Variants in KIF26B observed in about 807,000 individuals in gnomAD.
The protein encoded by KIF26B is kinesin-like protein KIF26B.
KIF26B carries 63 observed loss-of-function variants against 151.2 expected under a neutral mutation model. The observed-to-expected ratio is 0.42, with a 90% confidence interval of 0.34 to 0.51. The LOEUF (loss-of-function observed/expected upper bound fraction) is 0.51, where lower values mean the gene tolerates loss of function less well. Among genes scored for constraint, KIF26B ranks in the 20% least tolerant of loss-of-function variants. KIF26B has a pLI of 0.07. For missense variants in KIF26B, 2,813 were observed against 2,913.6 expected (o/e 0.97, Z 0.79); for synonymous variants, 1,357 against 1,262.1 (o/e 1.08, Z -1.59).
intron 4 of KIF26B, among the ~76,000 whole-genome samples, chr1:245,461,839 C>T (rs1659654549): frequency 6.6e-6 from 1 of 152,162 alleles, no homozygotes; most frequent in Admixed American, 6.5e-5. Flanking sequence ...TTAGGCCGGG[C>T]ATGGTGACTC....
chr1:245,454,849 A>C (rs1659478015), intron 4 of KIF26B, among the ~76,000 whole-genome samples: 1 of 152,126 alleles, frequency 6.6e-6, no homozygotes, highest in Admixed American at 6.5e-5. Flanking sequence ...AATAACTCTC[A>C]GGCTGAGCTT....
chr1:245,266,296 T>C (rs1670743717), intron 2 of KIF26B, among the ~76,000 whole-genome samples: 1 of 152,144 alleles, frequency 6.6e-6, no homozygotes, highest in Non-Finnish European at 1.5e-5. Context: ...TAATATTAAG[T>C]GCTGACAAGG....
intron 4 of KIF26B, among the ~76,000 whole-genome samples, chr1:245,524,704 C>A (rs140079268): frequency 6.6e-6 from 1 of 152,260 alleles, no homozygotes; most frequent in Non-Finnish European, 1.5e-5. Flanking sequence ...CTTCATAATT[C>A]AGTCTAAGGC....
intron 3 of KIF26B, among the ~76,000 whole-genome samples, chr1:245,410,934 AT>A (rs35206012): frequency 0.51 from 77,109 of 151,880 alleles, 19,922 homozygotes; most frequent in South Asian, 0.66. Context: ...GAATTTGACT[AT>A]TTTAGGTACT....
At chr1:245,449,089 C>T (rs1168445243) in intron 4 of KIF26B, among the ~76,000 whole-genome samples, 3 of 152,150 alleles carry the variant, frequency 2.0e-5, no homozygotes, top group Non-Finnish European at 4.4e-5. Context: ...CCTGCGAGTT[C>T]AGAATAACAT....
intron 2 of KIF26B, among the ~76,000 whole-genome samples, chr1:245,221,699 T>C (rs987694535): frequency 6.6e-6 from 1 of 152,220 alleles, no homozygotes; most frequent in Non-Finnish European, 1.5e-5. Context: ...GGGCACACCG[T>C]GCCTGGCCTA....
intron 3 of KIF26B, among the ~76,000 whole-genome samples, chr1:245,381,170 C>T (rs1288907095): frequency 6.6e-6 from 1 of 152,120 alleles, no homozygotes; most frequent in African/African-American, 2.4e-5. Flanking sequence ...TAACATCTGT[C>T]CTTCAGAAAG....
intron 10 of KIF26B, among the ~76,000 whole-genome samples, chr1:245,675,530 T>G (rs1161162585): frequency 6.6e-6 from 1 of 152,158 alleles, no homozygotes; most frequent in Non-Finnish European, 1.5e-5. Flanking sequence ...CACATCTATC[T>G]TTGGGAAAGG....
At chr1:245,319,765 CTTT>C (rs1671848176) in intron 2 of KIF26B, among the ~76,000 whole-genome samples, 1 of 152,152 alleles carries the variant, frequency 6.6e-6, no homozygotes, top group African/African-American at 2.4e-5. Context: ...TCTCTGGTCT[CTTT>C]CTAAAATCAG....
chr1:245,177,043 C>T (rs1242724039), intron 2 of KIF26B, among the ~76,000 whole-genome samples: 2 of 152,222 alleles, frequency 1.3e-5, no homozygotes, highest in African/African-American at 4.8e-5. Context: ...GCAGCCTCAA[C>T]TCTCTGGCTC....
chr1:245,498,496 C>T (rs138262683), intron 4 of KIF26B, among the ~76,000 whole-genome samples: 124 of 152,126 alleles, frequency 8.2e-4, no homozygotes, highest in African/African-American at 2.6e-3. Flanking sequence ...AAGTGAGGGG[C>T]GGGAGAGAGC....
Position 245,687,420 on chromosome 1 carries a change from G to A in KIF26B, c.4437G>A (p.Glu1479=), listed in dbSNP as rs758714951. The change falls in exon 12 of 15, where the codon GAG becomes GAA. Residue 1479 remains glutamate, a synonymous_variant. Coordinates refer to ENST00000407071, the MANE Select transcript of KIF26B (RefSeq NM_018012.4). The surrounding 1 kb of genome is among the most constrained non-coding windows in gnomAD (Gnocchi z 4.9). ...ATGCTGAGACCAGAGCAGAGCAGGA[G>A]CAGGACGGAAAGCCCAGTCCGGGAG... The part of the protein sequence containing the change: ...PSNAETRAEQ[E]QDGKPSPGDR... The A allele has an allele frequency of 5.7e-6, 9 of 1,588,990 alleles. No individual in the cohort carries two copies. Among genetic ancestry groups the A allele is most frequent in the Non-Finnish European group, 7.7e-6 (9 of 1,168,014 alleles).
rs1668615622 is a variant in KIF26B, at chr1:245,166,450, A to C, written c.465+9767A>C. Among the ~76,000 whole-genome samples, 2 of 152,208 alleles carry C rather than the reference A, an allele frequency of 1.3e-5. No homozygotes were observed. The highest frequency in any genetic ancestry group is 4.1e-4 in the South Asian group (2 of 4,832). ...CACCACAGAAAGTTTAAGGGAGCTC[A>C]GTGGATGTAAATAGCGACTCCTTTG... On this transcript the variant is annotated intron_variant, in intron 2 of 14. Coordinates refer to ENST00000407071, the MANE Select transcript of KIF26B (RefSeq NM_018012.4). The surrounding 1 kb of genome is among the most constrained non-coding windows in gnomAD (Gnocchi z 4.5).
chr1:245,439,976 C>G (rs1339471092), intron 4 of KIF26B, among the ~76,000 whole-genome samples: 1 of 152,216 alleles, frequency 6.6e-6, no homozygotes, highest in African/African-American at 2.4e-5. Flanking sequence ...AATCCCAGCA[C>G]TTGGGGAGGC....
chr1:245,609,566 T>TCCCTCCCCACCTCA (rs770531207), intron 8 of KIF26B, 38 bp downstream of exon 8: 15 of 1,472,544 alleles, frequency 1.0e-5, no homozygotes, highest in Non-Finnish European at 1.3e-5. Context: ...CCAAGGTGGC[T>TCCCTCCCCACCTCA]CCCTCCCCAC....
At chr1:245,242,790 T>C (rs1336429972) in intron 2 of KIF26B, among the ~76,000 whole-genome samples, 1 of 152,162 alleles carries the variant, frequency 6.6e-6, no homozygotes. Context: ...TAGCTGGGAT[T>C]ACAGGCACGC....
In KIF26B at chr1:245,563,999, C is replaced by T. The variant is rs774016609; in HGVS notation, c.1350+23049C>T. Among the ~76,000 whole-genome samples the T allele has an allele frequency of 7.9e-5, 12 of 152,200 alleles. No individual in the cohort carries two copies. The highest frequency in any genetic ancestry group is 1.6e-4 in the Non-Finnish European group (11 of 68,042). On this transcript the variant is annotated intron_variant, in intron 5 of 14. Coordinates refer to ENST00000407071, the MANE Select transcript of KIF26B (RefSeq NM_018012.4). This position sits in a 1 kb window ranked among gnomAD's most constrained non-coding sequence, Gnocchi z 4.6. ...ACCACCAGAATTAGGTTCCTCCACA[C>T]CAAATGTGATCATTTCATTTCGCAG...
intron 2 of KIF26B, among the ~76,000 whole-genome samples, chr1:245,192,853 G>A (rs1669132640): frequency 6.6e-6 from 1 of 151,974 alleles, no homozygotes; most frequent in Non-Finnish European, 1.5e-5. Flanking sequence ...GGTTTCTAGT[G>A]TACCCATCAC....
chr1:245,635,016 A>G (rs1250426156), intron 9 of KIF26B, among the ~76,000 whole-genome samples: 1 of 150,858 alleles, frequency 6.6e-6, no homozygotes, highest in East Asian at 1.9e-4. Flanking sequence ...CCTAGATACA[A>G]TTTTCTAATA....
Sources: allele counts gnomAD v4.1 joint callset (sites outside exome capture counted in the v4.1 genomes callset), GRCh38; gene constraint gnomAD v4.1.1; non-coding constraint Gnocchi (gnomAD v3.1); transcripts MANE v1.5; gene names NCBI Gene and HGNC (gene_info 2026-07-23, HGNC 2026-07-21).